NFIA: variants seen among roughly 807,000 people sequenced by gnomAD.
NFIA encodes nuclear factor I A.
A neutral mutation model predicts 62.8 loss-of-function variants in NFIA; 8 were observed. The observed-to-expected ratio is 0.13, with a 90% CI of 0.07 to 0.23. The LOEUF (loss-of-function observed/expected upper bound fraction) is 0.23, where lower values mean the gene tolerates loss of function less well. Ranked by LOEUF, NFIA falls within the 10% of genes least tolerant of loss-of-function variation. The pLI, the probability that NFIA is intolerant of heterozygous loss-of-function variation, is 1.00. For synonymous variants in NFIA, 235 were observed against 238.1 expected, an observed-to-expected ratio of 0.99 and a Z score of 0.12; for missense variants, 410 against 642.1, an observed-to-expected ratio of 0.64 and a Z score of 3.91.
At chr1:61,199,157 A>G (rs1002156684) in intron 2 of NFIA, among the ~76,000 whole-genome samples, 6 of 151,996 alleles carry the variant, frequency 3.9e-5, no homozygotes, top group African/African-American at 1.5e-4. Flanking sequence ...CATACAGATC[A>G]CTCTTCAATG....
intron 4 of NFIA, among the ~76,000 whole-genome samples, chr1:61,338,975 TA>T (rs1446674687): frequency 6.6e-6 from 1 of 152,118 alleles, no homozygotes; most frequent in Non-Finnish European, 1.5e-5. Context: ...GCTCGAGCAT[TA>T]AAGGAAGAAA....
At chr1:61,138,490 G>T (rs1006536540) in intron 2 of NFIA, among the ~76,000 whole-genome samples, 21 of 152,254 alleles carry the variant, frequency 1.4e-4, no homozygotes, top group African/African-American at 5.1e-4. Context: ...AAGAATCTTT[G>T]TTGCCGGACA....
At chr1:61,185,450 A>G (rs1651102661) in intron 2 of NFIA, among the ~76,000 whole-genome samples, 1 of 152,116 alleles carries the variant, frequency 6.6e-6, no homozygotes, top group Non-Finnish European at 1.5e-5. Flanking sequence ...CTCTTTTTCC[A>G]TTCTTGTTCC....
chr1:61,369,181 G>A (rs143703087), intron 6 of NFIA, among the ~76,000 whole-genome samples: 1 of 152,282 alleles, frequency 6.6e-6, no homozygotes, highest in African/African-American at 2.4e-5. Context: ...CTTCTAGAGA[G>A]CTGACATACT....
chr1:61,233,066 T>C (rs1403046782), intron 2 of NFIA, among the ~76,000 whole-genome samples: 1 of 152,208 alleles, frequency 6.6e-6, no homozygotes, highest in African/African-American at 2.4e-5. Context: ...GTCTCTGGAC[T>C]CTGGAGCACT....
At chr1:61,159,962 G>A (rs920900311) in intron 2 of NFIA, among the ~76,000 whole-genome samples, 9 of 152,154 alleles carry the variant, frequency 5.9e-5, no homozygotes, top group Admixed American at 2.6e-4. Flanking sequence ...GATTACAGGC[G>A]TGAGCCACCG....
At chr1:61,082,373 T>C (rs1007970830), upstream of NFIA, 1 of 562,918 alleles carries the variant, frequency 1.8e-6, no homozygotes, top group Non-Finnish European at 2.2e-6. Flanking sequence ...CCACACCCCC[T>C]CCCCCCCGCG....
chr1:61,204,911 T>C (rs1438102480), intron 2 of NFIA, among the ~76,000 whole-genome samples: 1 of 152,212 alleles, frequency 6.6e-6, no homozygotes, highest in African/African-American at 2.4e-5. Context: ...TCCATGACTT[T>C]TTACTTGGCA....
In NFIA at chr1:61,459,564, C is replaced by T. The variant is rs1427698228; in HGVS notation, c.*4244C>T. Reference sequence around the variant, plus strand: ...TCCCTGCCGCCGCCAGGTGTGGGCTCTAGGCAGGCCGACAAGGTTACACCT... The same window carrying T: ...TCCCTGCCGCCGCCAGGTGTGGGCTTTAGGCAGGCCGACAAGGTTACACCT... On this transcript the variant is annotated 3_prime_UTR_variant, in exon 11 of 11. Coordinates refer to ENST00000403491, the MANE Select transcript of NFIA (RefSeq NM_001134673.4). 3.3e-5 allele frequency: 5 copies of T among 152,238 alleles called. No homozygotes were observed. Among genetic ancestry groups the T allele is most frequent in the Admixed American group, 2.0e-4 (3 of 15,268 alleles). 9.4% of individuals were successfully genotyped at this position (152,238 alleles called of 1,614,324 possible).
intron 6 of NFIA, among the ~76,000 whole-genome samples, chr1:61,374,466 A>G (rs1408847634): frequency 6.6e-6 from 1 of 152,090 alleles, no homozygotes; most frequent in African/African-American, 2.4e-5. Context: ...AAGGAGAGGA[A>G]ATCCCCCAAC....
At chr1:61,128,688 G>T (rs1647018436) in intron 2 of NFIA, among the ~76,000 whole-genome samples, 1 of 152,104 alleles carries the variant, frequency 6.6e-6, no homozygotes, top group South Asian at 2.1e-4. Flanking sequence ...ACATGTTGTT[G>T]TTGAAAATGA....
chr1:61,126,782 T>C (rs931384152), intron 2 of NFIA, among the ~76,000 whole-genome samples: 3,124 of 80,462 alleles, frequency 0.039, 120 homozygotes, highest in East Asian at 0.29. Context: ...GATTCCTTTT[T>C]TTTTTTTTTT....
intron 3 of NFIA, among the ~76,000 whole-genome samples, chr1:61,286,230 A>T (rs1658483571): frequency 6.6e-6 from 1 of 151,822 alleles, no homozygotes; most frequent in Admixed American, 6.6e-5. Context: ...GATTGAGACC[A>T]TCCTGGCTAA....
chr1:61,219,922 C>A (rs1413899480), intron 2 of NFIA, among the ~76,000 whole-genome samples: 1 of 151,962 alleles, frequency 6.6e-6, no homozygotes. Context: ...GAAATCGCGC[C>A]ACTGCACTCC....
intron 9 of NFIA, among the ~76,000 whole-genome samples, chr1:61,411,931 G>A (rs1569809542): frequency 1.3e-5 from 2 of 151,994 alleles, no homozygotes; most frequent in Admixed American, 1.3e-4. Context: ...AGAGTGGAGT[G>A]AGGATGCATT....
rs888192889 is a variant in NFIA at position 61,153,147 on chromosome 1, G to T, written c.559+64467G>T. Among the ~76,000 whole-genome samples the T allele has an allele frequency of 2.0e-5, 3 of 152,202 alleles. No homozygotes were observed. In the South Asian group the frequency reaches 6.2e-4, roughly 32 times the overall value. ...TTCAGGGCTAGTAAATCTGTTTTTG[G>T]TGGGTTGAATACTGCCGGCACAGTG... is the stretch of plus-strand genomic sequence containing the variant. On this transcript the variant is annotated intron_variant, in intron 2 of 10. Transcript: ENST00000403491.
chr1:61,179,581 T>A (rs1221126030), intron 2 of NFIA, among the ~76,000 whole-genome samples: 1 of 152,170 alleles, frequency 6.6e-6, no homozygotes, highest in African/African-American at 2.4e-5. Flanking sequence ...GAGTACTAGG[T>A]GCTAGCAGAG....
intron 10 of NFIA, among the ~76,000 whole-genome samples, chr1:61,445,312 C>G (rs1667759166): frequency 6.6e-6 from 1 of 152,140 alleles, no homozygotes; most frequent in Non-Finnish European, 1.5e-5. Flanking sequence ...TGCACAAATC[C>G]CAACCGCAGC....
At chr1:61,418,552 C>G (rs761707056) in intron 9 of NFIA, among the ~76,000 whole-genome samples, 8 of 152,020 alleles carry the variant, frequency 5.3e-5, no homozygotes, top group Non-Finnish European at 8.8e-5. Flanking sequence ...ATATTTTAAT[C>G]ATAATTGATC....
Sources: gnomAD v4.1 joint callset for allele counts (sites outside exome capture counted in the v4.1 genomes callset) on GRCh38, gnomAD v4.1.1 for gene constraint, MANE v1.5 for transcripts, NCBI Gene and HGNC (gene_info 2026-07-23, HGNC 2026-07-21) for gene names.